OPCML: variants seen among roughly 807,000 people sequenced by gnomAD.
OPCML encodes the protein opioid binding protein/cell adhesion molecule like.
OPCML carries 13 observed loss-of-function variants against 37.8 expected under a neutral mutation model. That is an observed-to-expected ratio of 0.34 (90% CI 0.22 to 0.55). The LOEUF is 0.55. Ranked by LOEUF, OPCML falls within the 20% of genes least tolerant of loss-of-function variation. The pLI is 0.91. For missense variants in OPCML, 341 were observed against 435.6 expected (o/e 0.78, Z 1.93); for synonymous variants, 176 against 168.8 (o/e 1.04, Z -0.33).
intron 2 of OPCML, among the ~76,000 whole-genome samples, chr11:132,931,796 T>G (rs1287640795): frequency 6.6e-6 from 1 of 152,194 alleles, no homozygotes; most frequent in Non-Finnish European, 1.5e-5. Context: ...AATCCAGAAT[T>G]GAAAGCTGGG....
At position 132,439,363 on chromosome 11, in the gene OPCML, A is replaced by G. The variant is rs1592175335; in HGVS notation, c.506-2004T>C. The stretch of plus-strand genomic sequence containing the variant: ...AGATGGGAACTTAGACAATTTCAAG[A>G]AAGAAACTCCAGAGCATGCGCCACC... On this transcript the variant is annotated intron_variant, in intron 4 of 7. Transcript: ENST00000524381. Among the ~76,000 whole-genome samples, 3 of 152,286 alleles carry G rather than the reference A, an allele frequency of 2.0e-5. No individual in the cohort carries two copies. In the South Asian group the frequency reaches 6.2e-4, roughly 32 times the overall value.
intron 4 of OPCML, among the ~76,000 whole-genome samples, chr11:132,517,720 A>T (rs2096283204): frequency 6.6e-6 from 1 of 152,196 alleles, no homozygotes; most frequent in Admixed American, 6.6e-5. Flanking sequence ...TGCCTTTCCA[A>T]TTGTAATTTT....
rs191720196 is a variant in OPCML at position 133,525,991 on chromosome 11, A to T, written c.61+6273T>A. ...TTTGCACTTACCCAGCACATTGCCC[A>T]GGGGGTTCTCAAAGCATTTTGTAAA... On this transcript the variant is annotated intron_variant, in intron 1 of 7. Transcript: ENST00000524381. 1.6e-3 allele frequency among the ~76,000 whole-genome samples: 244 copies of T among 152,316 alleles called. 2 individuals carry two copies. The highest frequency in any genetic ancestry group is 5.5e-3 in the African/African-American group (230 of 41,566).
intron 1 of OPCML, among the ~76,000 whole-genome samples, chr11:133,440,588 A>G (rs963252999): frequency 5.3e-5 from 8 of 150,356 alleles, no homozygotes; most frequent in African/African-American, 2.0e-4. Context: ...TTAGCTGGGC[A>G]TGGTGGCAGG....
At chr11:132,646,793 T>C (rs767143420) in intron 3 of OPCML, among the ~76,000 whole-genome samples, 2 of 152,120 alleles carry the variant, frequency 1.3e-5, no homozygotes, top group Non-Finnish European at 2.9e-5. Flanking sequence ...GTGGAACATG[T>C]TAAGATTCCT....
At chr11:132,860,643 C>T (rs1289710399) in intron 2 of OPCML, 1 of 152,122 alleles carries the variant, frequency 6.6e-6, no homozygotes, top group East Asian at 1.9e-4. Flanking sequence ...CTAACTCAAA[C>T]TGGAGGGACT....
At chr11:132,938,925 T>C (rs1443898101) in intron 2 of OPCML, among the ~76,000 whole-genome samples, 1 of 152,152 alleles carries the variant, frequency 6.6e-6, no homozygotes, top group African/African-American at 2.4e-5. Context: ...ACCCAGGAAT[T>C]TTGACATCAT....
intron 3 of OPCML, among the ~76,000 whole-genome samples, chr11:132,583,970 C>T (rs1051242165): frequency 3.9e-5 from 6 of 151,952 alleles, no homozygotes; most frequent in African/African-American, 7.3e-5. Flanking sequence ...CATTTTCAAA[C>T]AAGAAAGGAC....
chr11:133,320,046 G>A (rs1298596405), intron 1 of OPCML, among the ~76,000 whole-genome samples: 1 of 152,190 alleles, frequency 6.6e-6, no homozygotes, highest in Non-Finnish European at 1.5e-5. Context: ...TGCCAGTGGT[G>A]AAGCAATGTC....
chr11:132,433,756 T>G (rs1043720928), intron 7 of OPCML, among the ~76,000 whole-genome samples: 1 of 152,148 alleles, frequency 6.6e-6, no homozygotes, highest in Non-Finnish European at 1.5e-5. Flanking sequence ...AAGCTCCCTC[T>G]CTCTCTTTTT....
rs535764357 is a variant in OPCML, at chr11:132,555,918, A to G, written c.380-26732T>C. Among the ~76,000 whole-genome samples, 15 of 152,084 alleles carry G rather than the reference A, an allele frequency of 9.9e-5. No individual in the cohort carries two copies. In the South Asian group the frequency reaches 3.1e-3, roughly 32 times the overall value. On this transcript the variant is annotated intron_variant, in intron 3 of 7. Coordinates refer to ENST00000524381, the MANE Select transcript of OPCML (RefSeq NM_001012393.5). ...AAGAACTTCAAAGGATTATATCAAA[A>G]CGTTTCTTGTTTCAATAAAAATTTT...
At chr11:132,734,666 T>C (rs567667654) in intron 2 of OPCML, among the ~76,000 whole-genome samples, 1 of 152,210 alleles carries the variant, frequency 6.6e-6, no homozygotes, top group Non-Finnish European at 1.5e-5. Context: ...ATTATTGTGG[T>C]TTTAATCCAC....
chr11:132,916,420 C>T lies in OPCML; in HGVS notation c.146+26506G>A, dbSNP rs149110862. Among the ~76,000 whole-genome samples the T allele has an allele frequency of 1.8e-4, 28 of 152,178 alleles. No homozygotes were observed. In the East Asian group the frequency reaches 4.3e-3, roughly 23 times the overall value. ...AGTGGCAAGCCTTCTACTGTGGATG[C>T]GCTGGCACTCTAGACAGGCATGGAC... is the stretch of plus-strand genomic sequence containing the variant. On this transcript the variant is annotated intron_variant, in intron 2 of 7. Transcript: ENST00000524381.
chr11:133,285,508 G>C (rs1942271036), intron 1 of OPCML, among the ~76,000 whole-genome samples: 1 of 152,166 alleles, frequency 6.6e-6, no homozygotes, highest in Non-Finnish European at 1.5e-5. Context: ...ATTTGAAATA[G>C]TGTCAGACCT....
intron 2 of OPCML, among the ~76,000 whole-genome samples, chr11:132,729,853 A>G (rs1487163143): frequency 2.0e-5 from 3 of 152,226 alleles, no homozygotes; most frequent in South Asian, 4.1e-4. Flanking sequence ...GATGAGCAGG[A>G]TATTCTACCA....
chr11:133,459,098 A>G (rs1424584044), intron 1 of OPCML, among the ~76,000 whole-genome samples: 1 of 152,078 alleles, frequency 6.6e-6, no homozygotes, highest in Non-Finnish European at 1.5e-5. Context: ...GGGGAGGAGG[A>G]GCTGTAAAGA....
chr11:133,248,580 G>A (rs1941028707), intron 1 of OPCML, among the ~76,000 whole-genome samples: 1 of 152,228 alleles, frequency 6.6e-6, no homozygotes, highest in Admixed American at 6.5e-5. Context: ...TCAGAATCCT[G>A]ATGTAGAAGA....
chr11:132,510,826 C>T (rs1267760664), intron 4 of OPCML, among the ~76,000 whole-genome samples: 1 of 152,088 alleles, frequency 6.6e-6, no homozygotes, highest in African/African-American at 2.4e-5. Flanking sequence ...AATAACTTCT[C>T]AATCTGATAA....
At chr11:132,497,967 C>A (rs1253795040) in intron 4 of OPCML, among the ~76,000 whole-genome samples, 1 of 152,190 alleles carries the variant, frequency 6.6e-6, no homozygotes, top group African/African-American at 2.4e-5. Context: ...TCTTCAAAAA[C>A]TTTCAAAATA....
Sources: gnomAD v4.1 joint callset for allele counts (sites outside exome capture counted in the v4.1 genomes callset) on GRCh38, gnomAD v4.1.1 for gene constraint, MANE v1.5 for transcripts, NCBI Gene and HGNC (gene_info 2026-07-23, HGNC 2026-07-21) for gene names.